The following PDPR variants were observed in gnomAD, a reference collection of about 807,000 sequenced individuals.
PDPR encodes the protein pyruvate dehydrogenase phosphatase regulatory subunit, mitochondrial.
In PDPR, 50 loss-of-function variants were observed where a neutral mutation model predicts 102.2. The observed-to-expected ratio is 0.49, with a 90% CI of 0.39 to 0.62. The LOEUF (loss-of-function observed/expected upper bound fraction) is 0.62, where lower values mean the gene tolerates loss of function less well. Ranked by LOEUF, PDPR falls within the 20% of genes least tolerant of loss-of-function variation. The pLI is 0.00. For synonymous variants in PDPR, 259 were observed against 406.0 expected, an observed-to-expected ratio of 0.64 and a Z score of 4.35; for missense variants, 625 against 1,098.2, an observed-to-expected ratio of 0.57 and a Z score of 6.09.
intron 17 of PDPR, 148 bp downstream of exon 17, chr16:70,148,701 G>A (rs1421435767): frequency 1.4e-6 from 1 of 707,306 alleles, no homozygotes; most frequent in African/African-American, 1.8e-5. Flanking sequence ...ATTGGGCCTT[G>A]GGAGCTGAGG....
At chr16:70,135,617 A>G (rs1228783587) in intron 9 of PDPR, among the ~76,000 whole-genome samples, 1 of 152,280 alleles carries the variant, frequency 6.6e-6, no homozygotes, top group East Asian at 1.9e-4. Flanking sequence ...CAAGATTATT[A>G]TCTGTAGATA....
chr16:70,156,374 G>A, intron 18 of PDPR, 101 bp from the exon 19 acceptor site: 1 of 1,400,880 alleles, frequency 7.1e-7, no homozygotes, highest in South Asian at 1.4e-5. Flanking sequence ...AGGCGGCTGT[G>A]CCCCATTGCA....
chr16:70,115,853 T>G (rs1962585101), intron 2 of PDPR, among the ~76,000 whole-genome samples: 1 of 152,124 alleles, frequency 6.6e-6, no homozygotes, highest in African/African-American at 2.4e-5. Context: ...ATTTCTGTCT[T>G]TGACGTCTTC....
At position 70,153,557 on chromosome 16, in the gene PDPR, G is replaced by A. The variant is rs543584154; in HGVS notation, c.2219G>A (p.Arg740Gln). ...CCCCTGGAATGTGGACGAGAGTCTC[G>A]GGTGAAATTAGAGAAGGTACTGTGT... ...TTPLECGRES[R>Q]VKLEKGMDFI... Residue 740 changes from arginine to glutamine, a missense_variant, in exon 18 of 19, where the codon CGG becomes CAG. Arg to Gln is a conservative substitution (Grantham distance 43). Around this residue, in one of 11 missense-constraint regions of PDPR, gnomAD observed 303 missense variants for 258.9 expected, o/e 1.17. Transcript: ENST00000288050. 22 of 1,605,442 alleles carry A rather than the reference G, an allele frequency of 1.4e-5. No homozygotes were observed. The highest frequency in any genetic ancestry group is 1.7e-4 in the Middle Eastern group (1 of 6,046).
rs2152103947 is a variant in PDPR at position 70,142,285 on chromosome 16, A to C, written c.1367A>C (p.Gln456Pro). The change falls in exon 12 of 19, where the codon CAG (glutamine) becomes CCG (proline). Residue 456 changes from glutamine to proline, a missense_variant. Gln to Pro is a moderately conservative substitution (Grantham distance 76). This residue lies in a region of PDPR where 34 missense variants were observed against 76.6 expected (regional missense o/e 0.44). Coordinates refer to ENST00000288050, the MANE Select transcript of PDPR (RefSeq NM_017990.5). ...CGCTGGGACTTCCAGACCGGTAGGCAGTTACGCACCTCTCCTCTCTACGAC... is the reference window on the plus strand; with the variant it reads ...CGCTGGGACTTCCAGACCGGTAGGCCGTTACGCACCTCTCCTCTCTACGAC... ...VPRWDFQTGR[Q>P]LRTSPLYDRL... 2 of 1,613,902 alleles carry C rather than the reference A, an allele frequency of 1.2e-6. No homozygotes were observed. The highest frequency in any genetic ancestry group is 4.5e-5 in the East Asian group (2 of 44,898).
chr16:70,120,548 G>A lies in PDPR; in HGVS notation c.56G>A (p.Trp19Ter), dbSNP rs369233612. ...GGAAGACAAAGAGCCAGCCCAGGAT[G>A]GCAGAACTGGTCCTCTGCAAGAAAC... Reference protein sequence around the residue: ...IVGRQRASPGWQNWSSARNST... With the variant: ...IVGRQRASPG Residue 19 changes from tryptophan to a stop codon, truncating the protein, a stop_gained, in exon 3 of 19, where the codon TGG (tryptophan) becomes TAG (stop). Coordinates refer to ENST00000288050, the MANE Select transcript of PDPR (RefSeq NM_017990.5). LOFTEE classifies it high-confidence loss of function. The A allele has an allele frequency of 5.0e-6, 8 of 1,614,030 alleles. No homozygotes were observed. The highest frequency in any genetic ancestry group is 5.9e-6 in the Non-Finnish European group (7 of 1,179,896).
At chr16:70,124,506 G>A (rs1963717183) in intron 3 of PDPR, among the ~76,000 whole-genome samples, 1 of 152,266 alleles carries the variant, frequency 6.6e-6, no homozygotes, top group Admixed American at 6.5e-5. Flanking sequence ...ATTAGAATCA[G>A]CTGGGGAGCT....
chr16:70,153,181 G>C (rs1024925888), intron 17 of PDPR, among the ~76,000 whole-genome samples: 2 of 152,292 alleles, frequency 1.3e-5, no homozygotes, highest in African/African-American at 2.4e-5. Context: ...CATGGATCCT[G>C]TTGTCATGGA....
intron 2 of PDPR, among the ~76,000 whole-genome samples, chr16:70,119,901 GTTTTTT>G (rs111650841): frequency 7.4e-6 from 1 of 134,814 alleles, no homozygotes; most frequent in South Asian, 2.1e-4. Flanking sequence ...TTCTTTTTTT[GTTTTTT>G]TTTTGTTTGT....
At chr16:70,148,601 C>T (rs1391277107) in intron 17 of PDPR, 48 bp downstream of exon 17, 1 of 1,469,462 alleles carries the variant, frequency 6.8e-7, no homozygotes, top group East Asian at 2.4e-5. Flanking sequence ...CCTTCCCTTC[C>T]CTTCCCTTCC....
intron 17 of PDPR, among the ~76,000 whole-genome samples, chr16:70,151,147 G>C (rs1334178668): frequency 6.6e-6 from 1 of 152,246 alleles, no homozygotes; most frequent in Non-Finnish European, 1.5e-5. Flanking sequence ...TGTTGGCCAG[G>C]ATGGTCTCAA....
At chr16:70,155,636 C>G (rs1017008207) in intron 18 of PDPR, among the ~76,000 whole-genome samples, 10 of 152,228 alleles carry the variant, frequency 6.6e-5, no homozygotes, top group African/African-American at 2.4e-4. Context: ...GAGATCCCCC[C>G]GCCTTAGCCT....
intron 18 of PDPR, among the ~76,000 whole-genome samples, chr16:70,156,023 A>G (rs1029312806): frequency 1.8e-4 from 28 of 152,190 alleles, no homozygotes; most frequent in African/African-American, 6.5e-4. Context: ...CCAAGTAGCT[A>G]GAACTATAGG....
chr16:70,119,371 A>G (rs1250815491), intron 2 of PDPR, among the ~76,000 whole-genome samples: 1 of 151,920 alleles, frequency 6.6e-6, no homozygotes, highest in Non-Finnish European at 1.5e-5. Context: ...AAAGAAAAAC[A>G]TCCCAGATCA....
chr16:70,135,988 G>C (rs1354737078), intron 9 of PDPR, among the ~76,000 whole-genome samples: 20 of 151,610 alleles, frequency 1.3e-4, no homozygotes, highest in African/African-American at 4.6e-4. Context: ...AGAGTAGCTT[G>C]AACCTGGGAG....
chr16:70,150,025 G>A (rs551020952), intron 17 of PDPR, among the ~76,000 whole-genome samples: 89 of 151,786 alleles, frequency 5.9e-4, no homozygotes, highest in Non-Finnish European at 1.2e-3. Context: ...CTCCTACCTC[G>A]TGATCTGCCA....
intron 16 of PDPR, among the ~76,000 whole-genome samples, chr16:70,147,907 G>A (rs1966368264): frequency 6.6e-6 from 1 of 152,230 alleles, no homozygotes; most frequent in African/African-American, 2.4e-5. Context: ...GTTCACTTCG[G>A]TGCTGTCCAG....
Position 70,156,459 on chromosome 16 carries a change from T to C in PDPR, c.2236-16T>C, listed in dbSNP as rs528737995. The C allele has an allele frequency of 1.2e-6, 2 of 1,604,794 alleles. No homozygotes were observed. Among genetic ancestry groups the C allele is most frequent in the East Asian group, 2.3e-5 (1 of 43,918 alleles). On this transcript the variant is annotated splice_polypyrimidine_tract_variant and intron_variant, in intron 18 of 18. Coordinates refer to ENST00000288050, the MANE Select transcript of PDPR (RefSeq NM_017990.5). ...TGAGTGTCGCTGGATGACTCGGCGTTTCCTTTCTTTCTTAGGGCATGGATT... is the reference window on the plus strand; with the variant it reads ...TGAGTGTCGCTGGATGACTCGGCGTCTCCTTTCTTTCTTAGGGCATGGATT...
At chr16:70,117,472 C>T (rs1395304037) in intron 2 of PDPR, among the ~76,000 whole-genome samples, 3 of 151,294 alleles carry the variant, frequency 2.0e-5, no homozygotes, top group Non-Finnish European at 2.9e-5. Flanking sequence ...GAGCTGAGAT[C>T]GCACCACTGC....
Sources: allele counts gnomAD v4.1 joint callset (sites outside exome capture counted in the v4.1 genomes callset), GRCh38; gene constraint gnomAD v4.1.1; regional missense constraint gnomAD v4.1.1; transcripts MANE v1.5; gene names NCBI Gene and HGNC (gene_info 2026-07-23, HGNC 2026-07-21).